RAP1GDS1: variants seen among roughly 807,000 people sequenced by gnomAD.
RAP1GDS1 encodes RAP1, GTP-GDP dissociation stimulator 1.
In RAP1GDS1, 35 loss-of-function variants were observed where a neutral mutation model predicts 71.1. The ratio of observed to expected loss-of-function variants is 0.49; its 90% confidence interval spans 0.38 to 0.65. RAP1GDS1 has a LOEUF of 0.65. Among genes scored for constraint, RAP1GDS1 ranks in the 30% least tolerant of loss-of-function variants. The probability of loss-of-function intolerance (pLI) is 0.00; values close to 1 mark genes in which losing one functional copy is unlikely to be tolerated. For synonymous variants in RAP1GDS1, 229 were observed against 243.1 expected, an observed-to-expected ratio of 0.94 and a Z score of 0.54; for missense variants, 663 against 706.1, an observed-to-expected ratio of 0.94 and a Z score of 0.69.
At chr4:98,407,008 A>G (rs930775698) in intron 7 of RAP1GDS1, among the ~76,000 whole-genome samples, 4 of 152,108 alleles carry the variant, frequency 2.6e-5, no homozygotes, top group Non-Finnish European at 5.9e-5. Flanking sequence ...TTTTTGCTCT[A>G]AATGCTTATA....
intron 1 of RAP1GDS1, 180 bp downstream of exon 1, chr4:98,261,749 G>T (rs1722007258): frequency 1.2e-6 from 1 of 827,528 alleles, no homozygotes; most frequent in East Asian, 3.5e-5. Flanking sequence ...GCCGGGGCTG[G>T]GAGGGTCCCG....
chr4:98,282,611 C>G (rs1197724849), intron 1 of RAP1GDS1, among the ~76,000 whole-genome samples: 1 of 145,016 alleles, frequency 6.9e-6, no homozygotes, highest in Non-Finnish European at 1.5e-5. Context: ...TTTTATGTCT[C>G]TATCTCCTTC....
intron 14 of RAP1GDS1, among the ~76,000 whole-genome samples, chr4:98,440,374 A>G (rs144342988): frequency 6.6e-6 from 1 of 152,290 alleles, no homozygotes; most frequent in Non-Finnish European, 1.5e-5. Flanking sequence ...TCATATGGTC[A>G]TTCAATGTTT....
At chr4:98,289,194 A>T (rs1041869329) in intron 1 of RAP1GDS1, among the ~76,000 whole-genome samples, 1 of 152,164 alleles carries the variant, frequency 6.6e-6, no homozygotes, top group Non-Finnish European at 1.5e-5. Flanking sequence ...TTTGGAATAA[A>T]TTTAACATTA....
At chr4:98,428,706 A>T (rs886463910) in intron 12 of RAP1GDS1, among the ~76,000 whole-genome samples, 1 of 152,204 alleles carries the variant, frequency 6.6e-6, no homozygotes, top group Non-Finnish European at 1.5e-5. Flanking sequence ...GTTGGCATGG[A>T]TGCAGTGAAT....
chr4:98,368,614 A>G (rs915856001), intron 4 of RAP1GDS1, among the ~76,000 whole-genome samples: 4 of 152,220 alleles, frequency 2.6e-5, no homozygotes, highest in African/African-American at 4.8e-5. Context: ...TTATTTTTAC[A>G]TGAAGATCTA....
Position 98,287,467 on chromosome 4 carries a change from A to G in RAP1GDS1, c.5-5941A>G, listed in dbSNP as rs540734619. On this transcript the variant is annotated intron_variant, in intron 1 of 14. Transcript: ENST00000408927. ...AACCTGGAACAAAAGAGGTGTATCTAGTGGATAGATGTGTGTGTAAGTGGT... is the reference window on the plus strand; with the variant it reads ...AACCTGGAACAAAAGAGGTGTATCTGGTGGATAGATGTGTGTGTAAGTGGT... Among the ~76,000 whole-genome samples, 416 of 152,270 alleles carry G rather than the reference A, an allele frequency of 2.7e-3. 3 individuals carry two copies. Among genetic ancestry groups the G allele is most frequent in the African/African-American group, 9.7e-3 (402 of 41,568 alleles).
chr4:98,392,125 T>C, intron 6 of RAP1GDS1, 45 bp downstream of exon 6: 1 of 1,532,784 alleles, frequency 6.5e-7, no homozygotes, highest in Non-Finnish European at 8.9e-7. Flanking sequence ...CTTATTAATG[T>C]GCTTACAATA....
chr4:98,360,837 C>T (rs6827954), intron 4 of RAP1GDS1, among the ~76,000 whole-genome samples: 303 of 152,006 alleles, frequency 2.0e-3, no homozygotes, highest in African/African-American at 7.2e-3. Flanking sequence ...TTTGGGAGGG[C>T]GAGGCAGGTG....
chr4:98,288,964 A>G (rs1460654919), intron 1 of RAP1GDS1, among the ~76,000 whole-genome samples: 1 of 152,200 alleles, frequency 6.6e-6, no homozygotes, highest in Admixed American at 6.5e-5. Flanking sequence ...TGATTATAAT[A>G]CAGTAGTCCC....
At chr4:98,365,159 T>A (rs1274515752) in intron 4 of RAP1GDS1, among the ~76,000 whole-genome samples, 2 of 152,178 alleles carry the variant, frequency 1.3e-5, no homozygotes, top group African/African-American at 4.8e-5. Context: ...ATGTTCAGAT[T>A]TGATTGGATT....
In RAP1GDS1 at chr4:98,321,672, C is replaced by A. The variant is rs1306524353; in HGVS notation, c.113-21467C>A. Among the ~76,000 whole-genome samples the A allele has an allele frequency of 2.1e-5, 3 of 142,050 alleles. No individual in the cohort carries two copies. The Admixed American group carries it at 2.1e-4, about 10-fold the overall frequency. 93.2% of individuals were successfully genotyped at this position (142,050 alleles called of 152,430 possible). A position where few individuals can be genotyped will look rare whatever the true frequency, so the allele number is the denominator to read the frequency against. On this transcript the variant is annotated intron_variant, in intron 2 of 14. Transcript: ENST00000408927. The stretch of plus-strand genomic sequence containing the variant: ...GAATTTCATATCCAGCCAAACTAAG[C>A]TTCATAAGTGAAGGAGAAATAAAAT...
At chr4:98,319,258 T>C (rs1334091493) in intron 2 of RAP1GDS1, among the ~76,000 whole-genome samples, 1 of 152,242 alleles carries the variant, frequency 6.6e-6, no homozygotes, top group African/African-American at 2.4e-5. Flanking sequence ...AGTAACTTTC[T>C]TTTGAGTGGC....
intron 2 of RAP1GDS1, among the ~76,000 whole-genome samples, chr4:98,311,557 T>G (rs575272826): frequency 1.1e-4 from 16 of 152,318 alleles, no homozygotes; most frequent in African/African-American, 3.8e-4. Flanking sequence ...ATCTTTTACT[T>G]AAAGTATTTG....
intron 4 of RAP1GDS1, among the ~76,000 whole-genome samples, chr4:98,361,674 C>T (rs1334415703): frequency 6.6e-6 from 1 of 152,110 alleles, no homozygotes; most frequent in African/African-American, 2.4e-5. Context: ...AAATGCTGGG[C>T]CATAACCTCA....
At chr4:98,296,629 C>G (rs978831236) in intron 2 of RAP1GDS1, among the ~76,000 whole-genome samples, 11 of 152,078 alleles carry the variant, frequency 7.2e-5, no homozygotes, top group African/African-American at 2.7e-4. Context: ...GCCAAGAAAT[C>G]AGCTTCTGTT....
intron 2 of RAP1GDS1, among the ~76,000 whole-genome samples, chr4:98,327,218 A>C (rs1733254854): frequency 6.6e-6 from 1 of 152,214 alleles, no homozygotes; most frequent in Non-Finnish European, 1.5e-5. Flanking sequence ...AGGCTCTCTT[A>C]ACAGAAATGA....
chr4:98,304,198 T>C (rs1351124437), intron 2 of RAP1GDS1, among the ~76,000 whole-genome samples: 3 of 152,196 alleles, frequency 2.0e-5, no homozygotes, highest in African/African-American at 7.2e-5. Context: ...TTATATTCCT[T>C]TGGGTATATA....
At position 98,322,939 on chromosome 4, in the gene RAP1GDS1, A is replaced by G. The variant is rs1578434375; in HGVS notation, c.113-20200A>G. ...TAAAATCAGAGCAGAACTGAAGTGAAATAGAGACACAAAAAACCCTTCAAA... is the reference window on the plus strand; with the variant it reads ...TAAAATCAGAGCAGAACTGAAGTGAGATAGAGACACAAAAAACCCTTCAAA... On this transcript the variant is annotated intron_variant, in intron 2 of 14. Coordinates refer to ENST00000408927, the MANE Select transcript of RAP1GDS1 (RefSeq NM_001100427.2). Among the ~76,000 whole-genome samples the G allele has an allele frequency of 1.4e-5, 2 of 140,124 alleles. 1 individual carries two copies. Among genetic ancestry groups the G allele is most frequent in the East Asian group, 4.0e-4 (2 of 4,976 alleles). 91.9% of individuals were successfully genotyped at this position (140,124 alleles called of 152,430 possible).
Sources: gnomAD v4.1 joint callset for allele counts (sites outside exome capture counted in the v4.1 genomes callset) on GRCh38, gnomAD v4.1.1 for gene constraint, MANE v1.5 for transcripts, NCBI Gene and HGNC (gene_info 2026-07-23, HGNC 2026-07-21) for gene names.